The following CFAP299 variants were observed in gnomAD, a reference collection of about 807,000 sequenced individuals.
CFAP299 encodes cilia- and flagella-associated protein 299.
Under a neutral mutation model 27.0 loss-of-function variants are expected in CFAP299, and 21 were observed. The observed-to-expected ratio is 0.78, with a 90% confidence interval of 0.55 to 1.12. The LOEUF is 1.12. Ranked by LOEUF, CFAP299 falls within the 50% of genes most tolerant of loss-of-function variation. CFAP299 has a pLI of 0.00. For missense variants in CFAP299, 310 were observed against 276.6 expected (o/e 1.12, Z -0.86); for synonymous variants, 104 against 98.1 (o/e 1.06, Z -0.36).
intron 3 of CFAP299, among the ~76,000 whole-genome samples, chr4:80,638,819 C>T (rs554355997): frequency 1.4e-4 from 21 of 152,176 alleles, no homozygotes; most frequent in Non-Finnish European, 2.5e-4. Flanking sequence ...ATTAGGTTGT[C>T]TGCTCATGCT....
At chr4:80,522,781 A>G (rs570690276) in intron 2 of CFAP299, among the ~76,000 whole-genome samples, 228 of 152,248 alleles carry the variant, frequency 1.5e-3, no homozygotes, top group African/African-American at 5.3e-3. Context: ...TAGCCTTGGC[A>G]ATCTTGTGAA....
chr4:80,872,948 G>A (rs1402508104), intron 4 of CFAP299: 2 of 969,550 alleles, frequency 2.1e-6, no homozygotes, highest in East Asian at 1.2e-4. Flanking sequence ...GATTTTGATG[G>A]TCAGAAATCA....
At chr4:80,857,527 A>G (rs1423999334) in intron 3 of CFAP299, among the ~76,000 whole-genome samples, 3 of 152,156 alleles carry the variant, frequency 2.0e-5, no homozygotes, top group South Asian at 4.1e-4. Flanking sequence ...ATTCAGTATG[A>G]TATTGGCTGT....
At chr4:80,636,949 G>C (rs1177737396) in intron 3 of CFAP299, among the ~76,000 whole-genome samples, 1 of 152,040 alleles carries the variant, frequency 6.6e-6, no homozygotes, top group African/African-American at 2.4e-5. Context: ...TTTTAAAAAA[G>C]TATTGTTCAC....
At chr4:80,501,523 T>C (rs550788398) in intron 2 of CFAP299, among the ~76,000 whole-genome samples, 2 of 147,852 alleles carry the variant, frequency 1.4e-5, no homozygotes, top group East Asian at 1.9e-4. Flanking sequence ...CATATAAATA[T>C]ATAAATTTTC....
chr4:80,854,378 G>GT (rs1421384014), intron 3 of CFAP299, among the ~76,000 whole-genome samples: 1 of 150,942 alleles, frequency 6.6e-6, no homozygotes, highest in Non-Finnish European at 1.5e-5. Context: ...ATGCGGGACT[G>GT]TAATTAGTCT....
intron 4 of CFAP299, chr4:80,870,949 C>G: frequency 1.1e-6 from 1 of 907,750 alleles, no homozygotes; most frequent in Non-Finnish European, 1.3e-6. Context: ...CTCTGTCGCC[C>G]AGGCTGGAGT....
intron 2 of CFAP299, chr4:80,388,583 T>C (rs1725156840): frequency 7.0e-7 from 1 of 1,438,302 alleles, no homozygotes; most frequent in Non-Finnish European, 9.7e-7. Context: ...ATCCAATGGC[T>C]GGATAGCAGG....
At chr4:80,843,794 G>A (rs1342203385) in intron 3 of CFAP299, among the ~76,000 whole-genome samples, 1 of 151,556 alleles carries the variant, frequency 6.6e-6, no homozygotes. Flanking sequence ...AAGTTTTAGG[G>A]TACATGTGCA....
At chr4:80,841,084 TA>T (rs773994390) in intron 3 of CFAP299, among the ~76,000 whole-genome samples, 10 of 152,070 alleles carry the variant, frequency 6.6e-5, no homozygotes, top group South Asian at 2.1e-4. Context: ...ACATTAAAGG[TA>T]GAAATAATCT....
At chr4:80,428,851 T>A (rs962297221) in intron 2 of CFAP299, among the ~76,000 whole-genome samples, 8 of 152,332 alleles carry the variant, frequency 5.3e-5, no homozygotes, top group Non-Finnish European at 8.8e-5. Flanking sequence ...CATTGCATTC[T>A]TTTAAAATGA....
chr4:80,649,201 A>C (rs75538404), intron 3 of CFAP299: 1 of 152,308 alleles, frequency 6.6e-6, no homozygotes, highest in East Asian at 1.9e-4. Flanking sequence ...AGCTACCTGA[A>C]GTCCAAAGTG....
At chr4:80,856,895 T>C (rs1342986537) in intron 3 of CFAP299, among the ~76,000 whole-genome samples, 1 of 151,968 alleles carries the variant, frequency 6.6e-6, no homozygotes, top group Non-Finnish European at 1.5e-5. Flanking sequence ...GGGCTCTTTT[T>C]TGGTTCCATA....
chr4:80,541,270 T>C (rs1199095101), intron 2 of CFAP299, among the ~76,000 whole-genome samples: 2 of 152,158 alleles, frequency 1.3e-5, no homozygotes, highest in Admixed American at 6.5e-5. Context: ...CATATAAACA[T>C]TGTTAAGTTT....
rs185037586 is a variant in CFAP299, at chr4:80,738,352, A to T, written c.334-131641A>T. Among the ~76,000 whole-genome samples the T allele has an allele frequency of 1.2e-3, 185 of 152,090 alleles. 1 individual carries two copies. Among genetic ancestry groups the T allele is most frequent in the African/African-American group, 4.3e-3 (177 of 41,524 alleles). On this transcript the variant is annotated intron_variant, in intron 3 of 5. Coordinates refer to ENST00000358105, the MANE Select transcript of CFAP299 (RefSeq NM_152770.3). The stretch of plus-strand genomic sequence containing the variant: ...GTGTTGAAGTCTTCAGATACTATTT[A>T]TTTGGGTCTGTGTCTCTCTTTAGCT...
At chr4:80,427,180 A>G (rs1727568322) in intron 2 of CFAP299, among the ~76,000 whole-genome samples, 1 of 152,228 alleles carries the variant, frequency 6.6e-6, no homozygotes, top group Non-Finnish European at 1.5e-5. Flanking sequence ...GAAAAGTTGT[A>G]TAGTAAGGAA....
rs374554451 is a variant in CFAP299 at position 80,414,797 on chromosome 4, C to G, written c.242+51913C>G. Among the ~76,000 whole-genome samples, 4 of 152,320 alleles carry G rather than the reference C, an allele frequency of 2.6e-5. No individual in the cohort carries two copies. In the East Asian group the frequency reaches 5.8e-4, roughly 22 times the overall value. On this transcript the variant is annotated intron_variant, in intron 2 of 5. Coordinates refer to ENST00000358105, the MANE Select transcript of CFAP299 (RefSeq NM_152770.3). ...CCCACAACATCCACATGGAAGTACTCTTGAGTTACCTTAGGGAAATTTCAT... is the reference window on the plus strand; with the variant it reads ...CCCACAACATCCACATGGAAGTACTGTTGAGTTACCTTAGGGAAATTTCAT...
At chr4:80,939,207 A>AT (rs910472352) in intron 4 of CFAP299, among the ~76,000 whole-genome samples, 1 of 152,106 alleles carries the variant, frequency 6.6e-6, no homozygotes, top group African/African-American at 2.4e-5. Context: ...TTGGATGTTC[A>AT]TTTTTTCCCA....
At chr4:80,889,011 CAA>C (rs35328435) in intron 4 of CFAP299, among the ~76,000 whole-genome samples, 931 of 52,662 alleles carry the variant, frequency 0.018, 6 homozygotes, top group African/African-American at 0.061. Context: ...AGTGCCTAAG[CAA>C]AAAAAAAAAA....
Sources: allele counts gnomAD v4.1 joint callset (sites outside exome capture counted in the v4.1 genomes callset), GRCh38; gene constraint gnomAD v4.1.1; transcripts MANE v1.5; gene names NCBI Gene and HGNC (gene_info 2026-07-23, HGNC 2026-07-21).